The following NCAM2 variants were observed in gnomAD, a reference collection of about 807,000 sequenced individuals.
NCAM2 encodes the protein N-CAM-2.
A neutral mutation model predicts 98.1 loss-of-function variants in NCAM2; 30 were observed. The ratio of observed to expected loss-of-function variants is 0.31; its 90% CI spans 0.23 to 0.41. The LOEUF (loss-of-function observed/expected upper bound fraction) is 0.41, where lower values mean the gene tolerates loss of function less well. NCAM2 is among the 10% of genes least tolerant of loss of function. The pLI, the probability that NCAM2 is intolerant of heterozygous loss-of-function variation, is 1.00. For synonymous variants in NCAM2, 368 were observed against 342.4 expected, an observed-to-expected ratio of 1.07 and a Z score of -0.83; for missense variants, 867 against 1,005.8, an observed-to-expected ratio of 0.86 and a Z score of 1.87.
intron 1 of NCAM2, among the ~76,000 whole-genome samples, chr21:21,178,453 A>G (rs757567223): frequency 9.9e-5 from 15 of 152,082 alleles, no homozygotes; most frequent in Non-Finnish European, 2.1e-4. Context: ...TAATTTTTAT[A>G]TAAATGGTTC....
intron 1 of NCAM2, among the ~76,000 whole-genome samples, chr21:21,277,178 A>G (rs1037169381): frequency 4.6e-5 from 7 of 152,114 alleles, no homozygotes; most frequent in East Asian, 1.9e-4. Flanking sequence ...TATGTTGTCA[A>G]TACAGTCGGT....
rs71193401 is a variant in NCAM2, at chr21:21,123,848, C to CTTTTTTTTTT, written c.55+125238_55+125247dup. The stretch of plus-strand genomic sequence containing the variant: ...GCACATTTGAATTCATTCTTGATTG[C>CTTTTTTTTTT]TTTTTTTTTTTTTTTTTGAGACGGA... On this transcript the variant is annotated intron_variant, in intron 1 of 17. Transcript: ENST00000400546. Among the ~76,000 whole-genome samples, 406 of 86,650 alleles carry CTTTTTTTTTT rather than the reference C, an allele frequency of 4.7e-3. 66 individuals are homozygous for CTTTTTTTTTT. The highest frequency in any genetic ancestry group is 0.013 in the African/African-American group (277 of 21,876). The allele number at this position is 86,650 out of a possible 152,430, so 56.8% of individuals were successfully genotyped here.
rs1003903395 is a variant in NCAM2 at position 21,541,027 on chromosome 21, T to C, written c.*3070T>C. 2.0e-5 allele frequency: 3 copies of C among 151,924 alleles called. No individual in the cohort carries two copies. The highest frequency in any genetic ancestry group is 7.2e-5 in the African/African-American group (3 of 41,546). 9.4% of individuals were successfully genotyped at this position (151,924 alleles called of 1,614,324 possible). A position where few individuals can be genotyped will look rare whatever the true frequency, so the allele number is the denominator to read the frequency against. On this transcript the variant is annotated 3_prime_UTR_variant, in exon 18 of 18. Coordinates refer to ENST00000400546, the MANE Select transcript of NCAM2 (RefSeq NM_004540.5). ...TTCTTTTATTTTTAATATTAATAAC[T>C]ATAAAAGCATTTTTCAAAGGCTATT...
chr21:21,190,385 T>C (rs146167771), intron 1 of NCAM2, among the ~76,000 whole-genome samples: 1,545 of 152,306 alleles, frequency 0.01, 10 homozygotes, highest in Middle Eastern at 0.017. Flanking sequence ...GCCTCTCTTA[T>C]CTACCCACCC....
intron 1 of NCAM2, among the ~76,000 whole-genome samples, chr21:21,139,521 G>A (rs1199028280): frequency 6.6e-6 from 1 of 152,156 alleles, no homozygotes; most frequent in Non-Finnish European, 1.5e-5. Context: ...AATACAAGGA[G>A]AAAATTAATA....
chr21:21,015,556 G>A (rs1296387388), intron 1 of NCAM2, among the ~76,000 whole-genome samples: 3 of 152,098 alleles, frequency 2.0e-5, no homozygotes, highest in Non-Finnish European at 4.4e-5. Context: ...ACACTTAATA[G>A]ACTAGTATAA....
rs1170750179 is a variant in NCAM2, at chr21:21,540,165, TAAC to T, written c.*2211_*2213del. 1.3e-5 allele frequency: 2 copies of T among 151,968 alleles called. No individual in the cohort carries two copies. The highest frequency in any genetic ancestry group is 2.9e-5 in the Non-Finnish European group (2 of 67,978). The allele number at this position is 151,968 out of a possible 1,614,324, so 9.4% of individuals were successfully genotyped here. ...TCAAGAGTGCAGAAATCATAATAAA[TAAC>T]AAACTATTTTTGTGTTTTCTCAATG... On this transcript the variant is annotated 3_prime_UTR_variant, in exon 18 of 18. Coordinates refer to ENST00000400546, the MANE Select transcript of NCAM2 (RefSeq NM_004540.5).
At chr21:21,259,425 G>T (rs2071805867) in intron 1 of NCAM2, among the ~76,000 whole-genome samples, 1 of 139,360 alleles carries the variant, frequency 7.2e-6, no homozygotes, top group Non-Finnish European at 1.5e-5. Flanking sequence ...TTCCTACTCA[G>T]GATGAGGAGC....
chr21:21,255,566 A>G lies in NCAM2; in HGVS notation c.56-25012A>G, dbSNP rs147178071. Among the ~76,000 whole-genome samples the G allele has an allele frequency of 3.3e-5, 5 of 152,318 alleles. No individual in the cohort carries two copies. The East Asian group carries it at 9.7e-4, about 29-fold the overall frequency. On this transcript the variant is annotated intron_variant, in intron 1 of 17. Coordinates refer to ENST00000400546, the MANE Select transcript of NCAM2 (RefSeq NM_004540.5). ...AAAAATCTTTCAAACTGTTCTGAAG[A>G]ATGCTGTATGTTTTCTTAATTTCAT... is the stretch of plus-strand genomic sequence containing the variant.
intron 1 of NCAM2, among the ~76,000 whole-genome samples, chr21:21,159,529 A>G (rs954942024): frequency 1.3e-5 from 2 of 152,162 alleles, no homozygotes; most frequent in African/African-American, 4.8e-5. Flanking sequence ...TTAGATACAC[A>G]AATAATTAAC....
At chr21:21,027,504 A>G (rs1011336884) in intron 1 of NCAM2, among the ~76,000 whole-genome samples, 3 of 152,240 alleles carry the variant, frequency 2.0e-5, no homozygotes, top group African/African-American at 7.2e-5. Context: ...ATTTGTAAAC[A>G]TGAGGTAATA....
intron 1 of NCAM2, among the ~76,000 whole-genome samples, chr21:21,166,738 A>G (rs1429773789): frequency 6.6e-6 from 1 of 152,186 alleles, no homozygotes; most frequent in African/African-American, 2.4e-5. Flanking sequence ...TTGTGTGACC[A>G]CATTGTTACG....
At chr21:21,090,450 A>T (rs2065990125) in intron 1 of NCAM2, among the ~76,000 whole-genome samples, 1 of 152,254 alleles carries the variant, frequency 6.6e-6, no homozygotes, top group South Asian at 2.1e-4. Flanking sequence ...ATTTTCTGGG[A>T]ATAGTGACAT....
At chr21:21,355,467 C>CAAAA (rs1191479876) in intron 8 of NCAM2, among the ~76,000 whole-genome samples, 1 of 67,230 alleles carries the variant, frequency 1.5e-5, no homozygotes, top group African/African-American at 6.0e-5. Context: ...GACTATGTCT[C>CAAAA]AAAAAAAAAA....
chr21:21,440,005 T>C (rs1291746769), intron 12 of NCAM2, among the ~76,000 whole-genome samples: 1 of 152,206 alleles, frequency 6.6e-6, no homozygotes, highest in Non-Finnish European at 1.5e-5. Context: ...TAACTCCTAC[T>C]AGCCTAGTTG....
chr21:21,298,370 A>G (rs937628764), intron 5 of NCAM2, among the ~76,000 whole-genome samples: 3 of 20,710 alleles, frequency 1.4e-4, no homozygotes, highest in Non-Finnish European at 1.8e-4. Context: ...ATGTTATATA[A>G]TATACAATAT....
At chr21:21,025,321 G>A (rs1357684624) in intron 1 of NCAM2, among the ~76,000 whole-genome samples, 1 of 152,094 alleles carries the variant, frequency 6.6e-6, no homozygotes, top group Non-Finnish European at 1.5e-5. Context: ...TCCTGACCTC[G>A]TGGCCTGCCC....
At chr21:21,510,418 C>A (rs761977467) in intron 16 of NCAM2, among the ~76,000 whole-genome samples, 1 of 152,100 alleles carries the variant, frequency 6.6e-6, no homozygotes, top group African/African-American at 2.4e-5. Flanking sequence ...TATTTTGGAA[C>A]TTCACATAAA....
At chr21:21,051,608 T>C (rs963693871) in intron 1 of NCAM2, among the ~76,000 whole-genome samples, 1 of 152,240 alleles carries the variant, frequency 6.6e-6, no homozygotes, top group African/African-American at 2.4e-5. Flanking sequence ...GTGTTTTGAC[T>C]TAGCATTACA....
Sources: allele counts gnomAD v4.1 joint callset (sites outside exome capture counted in the v4.1 genomes callset), GRCh38; gene constraint gnomAD v4.1.1; transcripts MANE v1.5; gene names NCBI Gene and HGNC (gene_info 2026-07-23, HGNC 2026-07-21).